CA8: variants seen among roughly 807,000 people sequenced by gnomAD.
CA8 encodes the protein carbonic anhydrase 8 (inactive).
CA8 carries 22 observed loss-of-function variants against 41.4 expected under a neutral mutation model. The ratio of observed to expected loss-of-function variants is 0.53; its 90% CI spans 0.38 to 0.76. CA8 has a LOEUF of 0.76. CA8 is among the 30% of genes least tolerant of loss of function. The pLI is 0.00. For missense variants in CA8, 270 were observed against 352.8 expected (o/e 0.77, Z 1.88); for synonymous variants, 121 against 130.6 (o/e 0.93, Z 0.50).
chr8:60,219,064 A>G (rs1442433933), intron 7 of CA8, among the ~76,000 whole-genome samples: 2 of 152,172 alleles, frequency 1.3e-5, no homozygotes, highest in African/African-American at 4.8e-5. Context: ...TATCAGCCTC[A>G]GGAAAGTGCC....
intron 8 of CA8, among the ~76,000 whole-genome samples, chr8:60,198,917 G>A (rs904572143): frequency 4.0e-5 from 6 of 151,804 alleles, no homozygotes; most frequent in African/African-American, 9.7e-5. Flanking sequence ...GCTAAGATCC[G>A]CTAAATATAA....
rs1806015415 is a variant in CA8 at position 60,188,196 on chromosome 8, G to A, written c.*1825C>T. On this transcript the variant is annotated 3_prime_UTR_variant, in exon 9 of 9. Transcript: ENST00000317995. ...TAAACACACATACACACACACCTGT[G>A]AAGGGTGAAGTCTGAACAACTAGAT... The A allele has an allele frequency of 6.6e-6, 1 of 152,164 alleles. No homozygotes were observed. 9.4% of individuals were successfully genotyped at this position (152,164 alleles called of 1,614,324 possible).
At chr8:60,190,939 T>A (rs1208644840) in intron 8 of CA8, among the ~76,000 whole-genome samples, 14 of 39,000 alleles carry the variant, frequency 3.6e-4, no homozygotes, top group East Asian at 7.9e-4. Context: ...ACACACACAC[T>A]ATATATATAT....
chr8:60,219,528 A>T (rs1807161375), intron 7 of CA8, among the ~76,000 whole-genome samples: 1 of 152,136 alleles, frequency 6.6e-6, no homozygotes, highest in South Asian at 2.1e-4. Context: ...AGTTCTTGTC[A>T]TGTGTTTCCA....
In CA8 at chr8:60,193,461, C is replaced by CAT. The variant is rs1806192513; in HGVS notation, c.*36-3478_*36-3477dup. ...CCACATCTTTTTCCTTAGCTTACTC[C>CAT]ATTTTGGTGTGGCAATATCAAGTAG... On this transcript the variant is annotated intron_variant, in intron 8 of 8. Coordinates refer to ENST00000317995, the MANE Select transcript of CA8 (RefSeq NM_004056.6). 2.0e-5 allele frequency among the ~76,000 whole-genome samples: 3 copies of CAT among 152,194 alleles called. No homozygotes were observed. In the South Asian group the frequency reaches 6.2e-4, roughly 32 times the overall value.
intron 7 of CA8, among the ~76,000 whole-genome samples, chr8:60,215,240 G>A (rs986585058): frequency 3.9e-5 from 6 of 152,028 alleles, no homozygotes; most frequent in Non-Finnish European, 7.4e-5. Flanking sequence ...TTCTAAACAC[G>A]ACAATCCAGC....
In CA8 at chr8:60,281,319, T is replaced by A. The variant is rs1467702758; in HGVS notation, c.-172A>T. On this transcript the variant is annotated 5_prime_UTR_variant, in exon 1 of 9. Transcript: ENST00000317995. ...ACCGCAGTGTGAGTGCAAGCAGGCG[T>A]GCGTTCGGACCGAGTGTTCCAGAGA... The A allele has an allele frequency of 6.5e-6, 4 of 612,694 alleles. No homozygotes were observed. Among genetic ancestry groups the A allele is most frequent in the Non-Finnish European group, 1.2e-5 (4 of 344,294 alleles). The allele number at this position is 612,694 out of a possible 1,614,324, so 38.0% of individuals were successfully genotyped here. A position where few individuals can be genotyped will look rare whatever the true frequency, so the allele number is the denominator to read the frequency against.
intron 8 of CA8, among the ~76,000 whole-genome samples, chr8:60,203,970 G>T (rs1711906687): frequency 1.3e-5 from 2 of 152,146 alleles, no homozygotes; most frequent in Admixed American, 1.3e-4. Flanking sequence ...AAGGGCCTTT[G>T]TGAGGTCTGT....
intron 3 of CA8, among the ~76,000 whole-genome samples, chr8:60,233,210 G>A (rs758883850): frequency 1.3e-4 from 20 of 152,166 alleles, no homozygotes; most frequent in Non-Finnish European, 2.1e-4. Flanking sequence ...GCTTTTCATC[G>A]TTATAATTAC....
intron 7 of CA8, among the ~76,000 whole-genome samples, chr8:60,215,644 T>C (rs1469277626): frequency 2.0e-5 from 3 of 152,142 alleles, no homozygotes; most frequent in Non-Finnish European, 4.4e-5. Flanking sequence ...ATCCGTTCAA[T>C]TGTGTTTTTT....
At chr8:60,200,181 A>G (rs1468857881) in intron 8 of CA8, among the ~76,000 whole-genome samples, 2 of 152,230 alleles carry the variant, frequency 1.3e-5, no homozygotes, top group Non-Finnish European at 2.9e-5. Flanking sequence ...CAAAACAAGA[A>G]GTGGGGCCTC....
intron 7 of CA8, among the ~76,000 whole-genome samples, chr8:60,216,521 C>T (rs940573074): frequency 6.6e-6 from 1 of 152,162 alleles, no homozygotes; most frequent in Admixed American, 6.5e-5. Context: ...CATTCAGCTT[C>T]GGCTCCCCTG....
At chr8:60,263,499 TG>T (rs1803804146) in intron 3 of CA8, among the ~76,000 whole-genome samples, 1 of 149,946 alleles carries the variant, frequency 6.7e-6, no homozygotes, top group Non-Finnish European at 1.5e-5. Context: ...AGTCTTAAAA[TG>T]TAAGTAAAAT....
intron 3 of CA8, among the ~76,000 whole-genome samples, chr8:60,249,588 T>C (rs111565085): frequency 9.1e-4 from 138 of 152,340 alleles, no homozygotes; most frequent in Admixed American, 1.6e-3. Flanking sequence ...AATAAAATTG[T>C]GTCTAACGAT....
intron 1 of CA8, among the ~76,000 whole-genome samples, chr8:60,280,274 G>A (rs1228865949): frequency 1.3e-5 from 2 of 152,156 alleles, no homozygotes; most frequent in South Asian, 2.1e-4. Context: ...GTGACAGTCA[G>A]AACCCTAACT....
chr8:60,235,441 CAACATG>C (rs1307457213), intron 3 of CA8, among the ~76,000 whole-genome samples: 15 of 152,200 alleles, frequency 9.9e-5, no homozygotes, highest in African/African-American at 3.4e-4. Context: ...ATTGGCACTT[CAACATG>C]AATTTGGCAG....
intron 2 of CA8, among the ~76,000 whole-genome samples, chr8:60,275,591 T>C (rs972721008): frequency 6.7e-6 from 1 of 149,620 alleles, no homozygotes; most frequent in Non-Finnish European, 1.5e-5. Flanking sequence ...TACTAGAAAG[T>C]AGAAGAGAAA....
At chr8:60,232,595 TTA>T in intron 3 of CA8, 1 of 582,850 alleles carries the variant, frequency 1.7e-6, no homozygotes. Context: ...TCACTGCCTC[TTA>T]AGTCCAGTTT....
intron 2 of CA8, among the ~76,000 whole-genome samples, chr8:60,269,594 C>T (rs1298751189): frequency 2.0e-5 from 3 of 152,218 alleles, no homozygotes; most frequent in Non-Finnish European, 4.4e-5. Context: ...GATGTATATA[C>T]ATTTATCTAA....
Sources: gnomAD v4.1 joint callset for allele counts (sites outside exome capture counted in the v4.1 genomes callset) on GRCh38, gnomAD v4.1.1 for gene constraint, MANE v1.5 for transcripts, NCBI Gene and HGNC (gene_info 2026-07-23, HGNC 2026-07-21) for gene names.